MARCHF11: variants seen among roughly 807,000 people sequenced by gnomAD.
The protein encoded by MARCHF11 is membrane associated ring-CH-type finger 11, also known as E3 ubiquitin-protein ligase MARCHF11.
In MARCHF11, 29 loss-of-function variants were observed where a neutral mutation model predicts 37.3. The ratio of observed to expected loss-of-function variants is 0.78; its 90% CI spans 0.58 to 1.06. The LOEUF is 1.06. Ranked by LOEUF, MARCHF11 falls within the 50% of genes least tolerant of loss-of-function variation. MARCHF11 has a pLI of 0.00. For missense variants in MARCHF11, 482 were observed against 533.4 expected, an observed-to-expected ratio of 0.90 and a Z score of 0.95; for synonymous variants, 233 against 228.0, an observed-to-expected ratio of 1.02 and a Z score of -0.20.
At chr5:16,151,702 T>C (rs1034616268) in intron 2 of MARCHF11, among the ~76,000 whole-genome samples, 10 of 141,842 alleles carry the variant, frequency 7.1e-5, no homozygotes, top group South Asian at 2.2e-4. Flanking sequence ...TCTGGAACTA[T>C]TGAAAGCTGA....
intron 3 of MARCHF11, among the ~76,000 whole-genome samples, chr5:16,082,090 T>C (rs148431835): frequency 3.3e-4 from 51 of 152,334 alleles, no homozygotes; most frequent in African/African-American, 1.2e-3. Flanking sequence ...TCAAAGCATA[T>C]AAAGGATAAA....
chr5:16,092,995 T>C (rs1170379293), intron 2 of MARCHF11, among the ~76,000 whole-genome samples: 1 of 152,208 alleles, frequency 6.6e-6, no homozygotes, highest in African/African-American at 2.4e-5. Flanking sequence ...TTGTTTTGAA[T>C]GCAATATGGT....
rs140694385 is a variant in MARCHF11, at chr5:16,148,257, GA to G, written c.693+29468del. Among the ~76,000 whole-genome samples the G allele has an allele frequency of 1.8e-3, 266 of 151,862 alleles. 6 individuals are homozygous for G. In the East Asian group the frequency reaches 0.039, roughly 22 times the overall value. The stretch of plus-strand genomic sequence containing the variant: ...AACCAGCTGGTAGGATTAAATTTAT[GA>G]AAAAAAGTACCTATAATGTGTAAAA... On this transcript the variant is annotated intron_variant, in intron 2 of 3. Transcript: ENST00000332432.
intron 2 of MARCHF11, chr5:16,141,320 G>A (rs1737703910): frequency 6.6e-6 from 1 of 152,188 alleles, no homozygotes; most frequent in Non-Finnish European, 1.5e-5. Context: ...CCAGTAAAGA[G>A]AAGCTGTCCT....
chr5:16,179,027 G>A lies in MARCHF11; in HGVS notation c.537+12C>T, dbSNP rs570383869. ...CCGCCACCGGCTGCCTCGGGGTCTC[G>A]CCGGGCCTTACCTGCTCCGCGCCCT... On this transcript the variant is annotated intron_variant, in intron 1 of 3. Coordinates refer to ENST00000332432, the MANE Select transcript of MARCHF11 (RefSeq NM_001102562.3). 1 of 1,450,552 alleles carries A rather than the reference G, an allele frequency of 6.9e-7. No homozygotes were observed. Among genetic ancestry groups the A allele is most frequent in the African/African-American group, 1.5e-5 (1 of 67,480 alleles). The allele number at this position is 1,450,552 out of a possible 1,614,324, so 89.9% of individuals were successfully genotyped here.
At chr5:16,111,485 G>A (rs1398939971) in intron 2 of MARCHF11, among the ~76,000 whole-genome samples, 1 of 152,172 alleles carries the variant, frequency 6.6e-6, no homozygotes, top group Non-Finnish European at 1.5e-5. Context: ...CTTTGAACTT[G>A]AGGGAGATGA....
At chr5:16,078,330 C>T (rs185372209) in intron 3 of MARCHF11, among the ~76,000 whole-genome samples, 34 of 152,214 alleles carry the variant, frequency 2.2e-4, no homozygotes, top group African/African-American at 5.1e-4. Context: ...GTGGGAAAAT[C>T]GAGGTAAAAT....
intron 2 of MARCHF11, among the ~76,000 whole-genome samples, chr5:16,118,578 G>A (rs558994732): frequency 4.6e-5 from 7 of 152,282 alleles, no homozygotes; most frequent in Admixed American, 1.3e-4. Context: ...AAGAGACAAC[G>A]TCACCTAGGG....
intron 2 of MARCHF11, among the ~76,000 whole-genome samples, chr5:16,156,970 G>A (rs1382724644): frequency 6.6e-6 from 1 of 151,890 alleles, no homozygotes; most frequent in East Asian, 1.9e-4. Context: ...TTGCTAGGTA[G>A]TGCATACTGT....
intron 2 of MARCHF11, among the ~76,000 whole-genome samples, chr5:16,114,362 C>T (rs568947289): frequency 2.0e-5 from 3 of 152,202 alleles, no homozygotes; most frequent in African/African-American, 7.2e-5. Context: ...GTAACAGAAA[C>T]CTTGGCTTTA....
intron 2 of MARCHF11, among the ~76,000 whole-genome samples, chr5:16,127,677 T>C (rs1737434192): frequency 6.6e-6 from 1 of 152,210 alleles, no homozygotes; most frequent in South Asian, 2.1e-4. Context: ...GTGAGGCATC[T>C]GCTTTGAAGA....
chr5:16,157,781 AT>A (rs1379358076), intron 2 of MARCHF11, among the ~76,000 whole-genome samples: 1 of 151,910 alleles, frequency 6.6e-6, no homozygotes, highest in Non-Finnish European at 1.5e-5. Flanking sequence ...CTTGGCAATG[AT>A]TTTTTTGGAG....
intron 2 of MARCHF11, among the ~76,000 whole-genome samples, chr5:16,125,403 G>A (rs866594207): frequency 1.2e-4 from 18 of 152,122 alleles, no homozygotes; most frequent in Middle Eastern, 3.4e-3. Context: ...TCATTATCCT[G>A]GAACTCTCTA....
intron 3 of MARCHF11, among the ~76,000 whole-genome samples, chr5:16,083,019 G>T (rs1268503852): frequency 6.6e-6 from 1 of 152,172 alleles, no homozygotes; most frequent in Non-Finnish European, 1.5e-5. Flanking sequence ...TTCCAGGCTT[G>T]GTAATGGTGG....
At chr5:16,165,914 ATATACATAAAT>A (rs1316981548) in intron 2 of MARCHF11, among the ~76,000 whole-genome samples, 2 of 152,082 alleles carry the variant, frequency 1.3e-5, no homozygotes, top group African/African-American at 4.8e-5. Flanking sequence ...AGGGGAGATT[ATATACATAAAT>A]TATTTGGGAG....
intron 3 of MARCHF11, among the ~76,000 whole-genome samples, chr5:16,080,094 T>C (rs756672527): frequency 3.9e-5 from 6 of 152,218 alleles, no homozygotes; most frequent in Non-Finnish European, 8.8e-5. Context: ...CTCATTTAAC[T>C]GTGTCCTTTG....
chr5:16,157,120 C>CA (rs143606830), intron 2 of MARCHF11, among the ~76,000 whole-genome samples: 4,461 of 151,690 alleles, frequency 0.029, 230 homozygotes, highest in African/African-American at 0.1. Flanking sequence ...ACAATAGCTA[C>CA]AAAAAAACTT....
At chr5:16,102,407 C>T (rs1048030733) in intron 2 of MARCHF11, among the ~76,000 whole-genome samples, 1 of 152,202 alleles carries the variant, frequency 6.6e-6, no homozygotes, top group African/African-American at 2.4e-5. Flanking sequence ...ACTTGACATC[C>T]CTGTTTGCCT....
intron 2 of MARCHF11, among the ~76,000 whole-genome samples, chr5:16,156,533 A>T (rs1382033399): frequency 6.6e-6 from 1 of 151,906 alleles, no homozygotes; most frequent in East Asian, 1.9e-4. Flanking sequence ...CAAGCATGCA[A>T]TTCAGGTATG....
Sources: allele counts gnomAD v4.1 joint callset (sites outside exome capture counted in the v4.1 genomes callset), GRCh38; gene constraint gnomAD v4.1.1; transcripts MANE v1.5; gene names NCBI Gene and HGNC (gene_info 2026-07-23, HGNC 2026-07-21).